ARHGAP30: variants seen among roughly 807,000 people sequenced by gnomAD.
ARHGAP30 encodes Rho GTPase activating protein 30, also known as rho GTPase-activating protein 30.
ARHGAP30 carries 23 observed loss-of-function variants against 72.0 expected under a neutral mutation model. The ratio of observed to expected loss-of-function variants is 0.32; its 90% CI spans 0.23 to 0.45. The LOEUF is 0.45. ARHGAP30 is among the 20% of genes least tolerant of loss of function. The pLI is 1.00. For synonymous variants in ARHGAP30, 576 were observed against 528.2 expected (o/e 1.09, Z -1.24); for missense variants, 1,319 against 1,383.4 (o/e 0.95, Z 0.74).
intron 3 of ARHGAP30, among the ~76,000 whole-genome samples, 158 bp from the exon 4 acceptor site, chr1:161,054,863 T>C (rs559760082): frequency 4.9e-4 from 74 of 152,302 alleles, no homozygotes; most frequent in African/African-American, 1.6e-3. Flanking sequence ...TAGAGAGAGC[T>C]CAGAATTGGG....
At chr1:161,064,829 A>G (rs747435248) in intron 1 of ARHGAP30, among the ~76,000 whole-genome samples, 19 of 45,438 alleles carry the variant, frequency 4.2e-4, no homozygotes, top group African/African-American at 6.1e-4. Context: ...GAAAGAAAGA[A>G]AGAGAAAGAA....
chr1:161,065,382 T>G (rs960051752), intron 1 of ARHGAP30, among the ~76,000 whole-genome samples: 13 of 152,198 alleles, frequency 8.5e-5, no homozygotes, highest in African/African-American at 2.9e-4. Flanking sequence ...TCCTCTTGTT[T>G]TTCCTTCAAC....
At chr1:161,052,988 C>A (rs1651528772) in intron 6 of ARHGAP30, 191 bp from the exon 7 acceptor site, 2 of 911,948 alleles carry the variant, frequency 2.2e-6, no homozygotes, top group Admixed American at 2.9e-5. Flanking sequence ...GATCCGAGAA[C>A]GTTGGCCTGG....
chr1:161,061,358 G>C (rs1055980295), intron 1 of ARHGAP30, among the ~76,000 whole-genome samples: 5 of 151,624 alleles, frequency 3.3e-5, no homozygotes, highest in African/African-American at 1.2e-4. Context: ...TAGAGACCGG[G>C]TTTCACCATG....
At chr1:161,062,598 A>C (rs1652392055) in intron 1 of ARHGAP30, among the ~76,000 whole-genome samples, 1 of 151,606 alleles carries the variant, frequency 6.6e-6, no homozygotes, top group Admixed American at 6.6e-5. Context: ...ATGTGGTGGC[A>C]TGTGTCTGTA....
intron 1 of ARHGAP30, among the ~76,000 whole-genome samples, chr1:161,064,907 A>G (rs1652651882): frequency 6.8e-6 from 1 of 146,690 alleles, no homozygotes; most frequent in Non-Finnish European, 1.5e-5. Context: ...GAAGGGAGGG[A>G]GGGAAGGAAG....
At chr1:161,061,331 A>G (rs1341119340) in intron 1 of ARHGAP30, among the ~76,000 whole-genome samples, 1 of 150,960 alleles carries the variant, frequency 6.6e-6, no homozygotes, top group African/African-American at 2.4e-5. Flanking sequence ...ACGCCCAGCT[A>G]ATTTTTGTAT....
Position 161,048,440 on chromosome 1 carries a change from G to C in ARHGAP30, c.2581C>G (p.Leu861Val). 1 of 1,614,104 alleles carries C rather than the reference G, an allele frequency of 6.2e-7. No individual in the cohort carries two copies. Among genetic ancestry groups the C allele is most frequent in the South Asian group, 1.1e-5 (1 of 91,082 alleles). ...GACGCTACACCTGAACCTTCAGAGA[G>C]GGTGTCCTCTTCTAAATAGTACCCT... ...AGGYYLEEDT[L>V]SEGSGVASLE... Residue 861 changes from leucine (L) to valine (V), a missense_variant, in exon 12 of 12, where the codon CTC (leucine) becomes GTC (valine). Transcript: ENST00000368013.
chr1:161,052,023 ACCACCACCACCACCACCACCACCACCACC>A (rs1651427322), intron 9 of ARHGAP30, among the ~76,000 whole-genome samples: 1 of 71,676 alleles, frequency 1.4e-5, no homozygotes, highest in African/African-American at 5.8e-5. Flanking sequence ...CACCACCACC[ACCACCACCACCACCACCACCACCACCACC>A]ACCACCACAT....
At chr1:161,054,855 G>T in intron 3 of ARHGAP30, 150 bp from the exon 4 acceptor site, 1 of 703,048 alleles carries the variant, frequency 1.4e-6, no homozygotes, top group Non-Finnish European at 2.4e-6. Context: ...TGACTTGGTA[G>T]AGAGAGCTCA....
chr1:161,059,477 G>C (rs910184344), intron 2 of ARHGAP30, 137 bp downstream of exon 2: 4 of 686,892 alleles, frequency 5.8e-6, no homozygotes, highest in Non-Finnish European at 9.6e-6. Context: ...ACCTCCCTAG[G>C]ACCTTACCTA....
intron 3 of ARHGAP30, 67 bp from the exon 4 acceptor site, chr1:161,054,772 C>T: frequency 7.0e-7 from 1 of 1,421,814 alleles, no homozygotes; most frequent in Non-Finnish European, 9.9e-7. Context: ...CTCCCCAGAG[C>T]TTGTAACCAA....
rs1651013262 is a variant in ARHGAP30, at chr1:161,048,144, C to T, written c.2877G>A (p.Val959=). ...GCCTCGGGCATGGATTTGCAGGTGC[C>T]ACATGAATCTTGCTACACATTGCAC... The part of the protein sequence containing the change: ...MPSAMCSKIH[V]APANPCPRPG... Residue 959 remains valine (V), a synonymous_variant, in exon 12 of 12, where the codon GTG becomes GTA. Transcript: ENST00000368013. The T allele has an allele frequency of 6.2e-7, 1 of 1,614,176 alleles. No individual in the cohort carries two copies. Among genetic ancestry groups the T allele is most frequent in the African/African-American group, 1.3e-5 (1 of 75,040 alleles).
At position 161,048,014 on chromosome 1, in the gene ARHGAP30, G is replaced by C; in HGVS notation, c.3007C>G (p.Leu1003Val). 6.2e-7 allele frequency: 1 copy of C among 1,614,174 alleles called. No homozygotes were observed. The highest frequency in any genetic ancestry group is 8.5e-7 in the Non-Finnish European group (1 of 1,180,030). ...TCAGTCCTTTGGCGGTCCCGGGCTA[G>C]GGCCACAGCAGCATCAAAGGAAAGA... ...GSLSFDAAVA[L>V]ARDRQRTEAQ... The change falls in exon 12 of 12, where the codon CTA becomes GTA. Residue 1003 changes from leucine (L) to valine (V), a missense_variant. Leu to Val is a conservative substitution (Grantham distance 32, BLOSUM62 1). Around this residue, in one of 2 missense-constraint regions of ARHGAP30, gnomAD observed 1,097 missense variants for 1,045.2 expected, o/e 1.05. Transcript: ENST00000368013.
chr1:161,059,515 C>G, intron 2 of ARHGAP30, 99 bp downstream of exon 2: 3 of 997,774 alleles, frequency 3.0e-6, no homozygotes, highest in Non-Finnish European at 4.5e-6. Context: ...TCCCCACTGC[C>G]TCTCACTCCC....
rs1260101983 is a variant in ARHGAP30, at chr1:161,069,234, A to G, written c.97+294T>C. Among the ~76,000 whole-genome samples, 1 of 149,048 alleles carries G rather than the reference A, an allele frequency of 6.7e-6. No individual in the cohort carries two copies. The highest frequency in any genetic ancestry group is 1.5e-5 in the Non-Finnish European group (1 of 67,102). Reference sequence around the variant, plus strand: ...CAGTCACCTGCCCGCTGTTTCATCCACTCCTCCTCGGTTTCCAGTCTCTCC... The same window carrying G: ...CAGTCACCTGCCCGCTGTTTCATCCGCTCCTCCTCGGTTTCCAGTCTCTCC... On this transcript the variant is annotated intron_variant, in intron 1 of 11. Transcript: ENST00000368013. This position sits in a 1 kb window ranked among gnomAD's most constrained non-coding sequence, Gnocchi z 4.9.
chr1:161,059,556 T>C, intron 2 of ARHGAP30, 58 bp downstream of exon 2: 2 of 1,462,750 alleles, frequency 1.4e-6, no homozygotes, highest in Non-Finnish European at 1.9e-6. Context: ...ACTCTTACTG[T>C]GACCTTCTGG....
In ARHGAP30 at chr1:161,052,508, G is replaced by T; in HGVS notation, c.872C>A (p.Ser291Tyr). 6.2e-7 allele frequency: 1 copy of T among 1,613,834 alleles called. No individual in the cohort carries two copies. Among genetic ancestry groups the T allele is most frequent in the Non-Finnish European group, 8.5e-7 (1 of 1,180,012 alleles). Residue 291 changes from serine to tyrosine, a missense_variant, in exon 8 of 12, where the codon TCT (serine) becomes TAT (tyrosine). Physicochemically the swap from Ser to Tyr is moderately radical, Grantham distance 144. Around this residue, in one of 2 missense-constraint regions of ARHGAP30, gnomAD observed 1,097 missense variants for 1,045.2 expected, o/e 1.05. Transcript: ENST00000368013. ...KGSLKVRKWR[S>Y]IFNLGRSGHE... ...GCCAGAGCGACCTAAATTGAAGATA[G>T]ACCTCCACTTCCTGACCTTCAAAGA...
In ARHGAP30 at chr1:161,051,535, C is replaced by A. The variant is rs76696132; in HGVS notation, c.1199G>T (p.Gly400Val). 121 of 1,614,182 alleles carry A rather than the reference C, an allele frequency of 7.5e-5. No homozygotes were observed. In the East Asian group the frequency reaches 2.7e-3, roughly 36 times the overall value. ...AGCACAGCGTTCTGCACGGCTGCTG[C>A]CCCCAGCCCGGATGGCTGACCGCCC... ...RAGRSAIRAG[G>V]SSRAERCAGV... The change falls in exon 10 of 12, where the codon GGC (glycine) becomes GTC (valine). Residue 400 changes from glycine to valine, a missense_variant. Coordinates refer to ENST00000368013, the MANE Select transcript of ARHGAP30 (RefSeq NM_001025598.2).
Sources: allele counts gnomAD v4.1 joint callset (sites outside exome capture counted in the v4.1 genomes callset), GRCh38; gene constraint gnomAD v4.1.1; regional missense constraint gnomAD v4.1.1; non-coding constraint Gnocchi (gnomAD v3.1); transcripts MANE v1.5; gene names NCBI Gene and HGNC (gene_info 2026-07-23, HGNC 2026-07-21).